FGF1: variants seen among roughly 807,000 people sequenced by gnomAD.
FGF1 encodes beta-endothelial cell growth factor.
Under a neutral mutation model 13.4 loss-of-function variants are expected in FGF1, and 9 were observed. The ratio of observed to expected loss-of-function variants is 0.67; its 90% CI spans 0.40 to 1.17. FGF1 has a LOEUF of 1.17. Ranked by LOEUF, FGF1 falls within the 50% of genes most tolerant of loss-of-function variation. The probability of loss-of-function intolerance (pLI) is 0.01; values close to 1 mark genes in which losing one functional copy is unlikely to be tolerated. For missense variants in FGF1, 156 were observed against 192.7 expected (o/e 0.81, Z 1.13); for synonymous variants, 93 against 79.0 (o/e 1.18, Z -0.94).
rs59813387 is a variant in FGF1, at chr5:142,625,313, GACACACACACACACACACACAC to G, written c.-34-11174_-34-11153del. ...TAACGAAGAGAGAGAACTACAAGCG[GACACACACACACACACACACAC>G]ACACACACACACACACGTGTCCTGT... On this transcript the variant is annotated intron_variant, in intron 1 of 3. Coordinates refer to ENST00000337706, the MANE Select transcript of FGF1 (RefSeq NM_000800.5). Among the ~76,000 whole-genome samples, 56 of 148,404 alleles carry G rather than the reference GACACACACACACACACACACAC, an allele frequency of 3.8e-4. 1 individual carries two copies. Among genetic ancestry groups the G allele is most frequent in the African/African-American group, 1.3e-3 (54 of 40,234 alleles).
intron 1 of FGF1, among the ~76,000 whole-genome samples, chr5:142,651,482 T>A (rs1466766704): frequency 6.6e-6 from 1 of 152,208 alleles, no homozygotes; most frequent in Non-Finnish European, 1.5e-5. Context: ...TCAATGAAGC[T>A]ATGTGACACA....
Position 142,658,815 on chromosome 5 carries a change from C to T in FGF1, c.-35+27142G>A, listed in dbSNP as rs562914949. Among the ~76,000 whole-genome samples the T allele has an allele frequency of 7.2e-5, 11 of 152,196 alleles. No homozygotes were observed. The South Asian group carries it at 1.7e-3, about 23-fold the overall frequency. ...GCTGCGGAGAGTTGCCGTCCTGGTA[C>T]CTGTGTGCATGGTGCTCTGGGGATG... On this transcript the variant is annotated intron_variant, in intron 1 of 3. Transcript: ENST00000337706.
At chr5:142,691,588 C>T (rs1752245379) in intron 2 of FGF1, among the ~76,000 whole-genome samples, 1 of 152,116 alleles carries the variant, frequency 6.6e-6, no homozygotes, top group Admixed American at 6.5e-5. Context: ...TACTCAGTAC[C>T]GAGACCAGTG....
chr5:142,684,589 G>C (rs1223683501), intron 1 of FGF1, among the ~76,000 whole-genome samples: 1 of 152,158 alleles, frequency 6.6e-6, no homozygotes, highest in Non-Finnish European at 1.5e-5. Flanking sequence ...GACTTTCCTC[G>C]GAAGCCCTCA....
intron 1 of FGF1, among the ~76,000 whole-genome samples, chr5:142,660,316 C>CA (rs1768975408): frequency 6.6e-6 from 1 of 152,238 alleles, no homozygotes. Context: ...TGGCCCCCGG[C>CA]ACAGGGTCTC....
chr5:142,625,311 C>T (rs891425211), intron 1 of FGF1, among the ~76,000 whole-genome samples: 3 of 73,098 alleles, frequency 4.1e-5, no homozygotes, highest in African/African-American at 6.1e-5. Flanking sequence ...GAACTACAAG[C>T]GGACACACAC....
intron 1 of FGF1, among the ~76,000 whole-genome samples, chr5:142,674,683 G>A (rs887895013): frequency 6.6e-6 from 1 of 152,136 alleles, no homozygotes; most frequent in Non-Finnish European, 1.5e-5. Context: ...ACCAATGCAC[G>A]ACTCCCGATT....
chr5:142,625,205 T>G (rs1762253693), intron 1 of FGF1, among the ~76,000 whole-genome samples: 1 of 152,120 alleles, frequency 6.6e-6, no homozygotes, highest in Non-Finnish European at 1.5e-5. Context: ...TTGCATCTAG[T>G]GTAACTGGCA....
At chr5:142,680,662 A>G (rs1773544365) in intron 1 of FGF1, 1 of 152,216 alleles carries the variant, frequency 6.6e-6, no homozygotes, top group Admixed American at 6.5e-5. Flanking sequence ...TAATAACTCA[A>G]TATGTACCAA....
At chr5:142,663,502 T>A (rs1320312479) in intron 1 of FGF1, among the ~76,000 whole-genome samples, 1 of 152,126 alleles carries the variant, frequency 6.6e-6, no homozygotes, top group Admixed American at 6.5e-5. Context: ...CTAATTTAAG[T>A]ACAACTGCCT....
chr5:142,680,276 G>A (rs1020632147), intron 1 of FGF1, among the ~76,000 whole-genome samples: 1 of 152,042 alleles, frequency 6.6e-6, no homozygotes. Context: ...AACTGTCTTC[G>A]ACTCATTGAA....
intron 1 of FGF1, among the ~76,000 whole-genome samples, chr5:142,645,361 G>A (rs138949246): frequency 2.2e-4 from 34 of 152,252 alleles, no homozygotes; most frequent in African/African-American, 7.0e-4. Context: ...GGGAGACATC[G>A]CATTCCTCAG....
intron 3 of FGF1, among the ~76,000 whole-genome samples, chr5:142,597,422 T>C (rs1755530833): frequency 6.6e-6 from 1 of 152,180 alleles, no homozygotes; most frequent in African/African-American, 2.4e-5. Context: ...CAGCTGTACA[T>C]TTATTAAGTT....
At chr5:142,631,738 C>T (rs1763403257) in intron 1 of FGF1, among the ~76,000 whole-genome samples, 1 of 151,382 alleles carries the variant, frequency 6.6e-6, no homozygotes, top group Non-Finnish European at 1.5e-5. Context: ...GATCATTATC[C>T]TCTCAACTCA....
chr5:142,653,261 G>A (rs752223244), intron 1 of FGF1, among the ~76,000 whole-genome samples: 4 of 152,320 alleles, frequency 2.6e-5, no homozygotes, highest in South Asian at 2.1e-4. Context: ...CGAGGATGAC[G>A]AGGGGGATAA....
chr5:142,640,437 G>GGA (rs59213455), intron 1 of FGF1, among the ~76,000 whole-genome samples: 1 of 144,502 alleles, frequency 6.9e-6, no homozygotes, highest in Non-Finnish European at 1.5e-5. Flanking sequence ...GGGGGGGGGG[G>GGA]TCTCTCTGAG....
At chr5:142,696,239 G>T (rs1004481362) in intron 2 of FGF1, among the ~76,000 whole-genome samples, 1 of 152,196 alleles carries the variant, frequency 6.6e-6, no homozygotes, top group African/African-American at 2.4e-5. Flanking sequence ...TGGCATGTAA[G>T]AGGGAGGAGC....
intron 1 of FGF1, among the ~76,000 whole-genome samples, chr5:142,653,987 GAGGCTGAGGCTGGAT>G (rs1767724187): frequency 6.6e-6 from 1 of 152,218 alleles, no homozygotes; most frequent in African/African-American, 2.4e-5. Flanking sequence ...GGCTACTCGG[GAGGCTGAGGCTGGAT>G]AATTGCTTGA....
chr5:142,619,851 G>GAA (rs150910782), intron 1 of FGF1, among the ~76,000 whole-genome samples: 31 of 136,556 alleles, frequency 2.3e-4, no homozygotes, highest in South Asian at 4.6e-4. Flanking sequence ...ACCAAAAAAC[G>GAA]AAAAAAAAAC....
Sources: gnomAD v4.1 joint callset for allele counts (sites outside exome capture counted in the v4.1 genomes callset) on GRCh38, gnomAD v4.1.1 for gene constraint, MANE v1.5 for transcripts, NCBI Gene and HGNC (gene_info 2026-07-23, HGNC 2026-07-21) for gene names.